The following LAMB4 variants were observed in gnomAD, a reference collection of about 807,000 sequenced individuals.
The protein encoded by LAMB4 is laminin subunit beta 4.
A neutral mutation model predicts 199.2 loss-of-function variants in LAMB4; 196 were observed. The observed-to-expected ratio is 0.98, with a 90% CI of 0.88 to 1.11. The LOEUF (loss-of-function observed/expected upper bound fraction) is 1.11. Among genes scored for constraint, LAMB4 ranks in the 50% least tolerant of loss-of-function variants. The probability of loss-of-function intolerance (pLI) is 0.00; values close to 1 mark genes in which losing one functional copy is unlikely to be tolerated. For missense variants in LAMB4, 2,080 were observed against 2,171.2 expected (o/e 0.96, Z 0.83); for synonymous variants, 744 against 770.6 (o/e 0.97, Z 0.57).
intron 7 of LAMB4, 140 bp from the exon 8 acceptor site, chr7:108,106,171 A>G (rs1584764151): frequency 1.4e-6 from 1 of 719,684 alleles, no homozygotes; most frequent in East Asian, 2.7e-5. Flanking sequence ...TAATCCCAGC[A>G]CTTTGGGTGG....
At chr7:108,105,721 T>C (rs2037979217) in intron 8 of LAMB4, 96 bp downstream of exon 8, 2 of 1,068,746 alleles carry the variant, frequency 1.9e-6, no homozygotes, top group Admixed American at 3.7e-5. Flanking sequence ...CACTTAGATT[T>C]GTTGATCTCC....
rs1325961383 is a variant in LAMB4 at position 108,062,849 on chromosome 7, C to A, written c.3207G>T (p.Trp1069Cys). The A allele has an allele frequency of 6.3e-7, 1 of 1,576,926 alleles. No individual in the cohort carries two copies. Among genetic ancestry groups the A allele is most frequent in the African/African-American group, 1.4e-5 (1 of 73,082 alleles). ...GACATCCTCTGCCAGGGACCAGATT[C>A]CAGTATCCATCAGCACAACGGTCAC... ...LACDRCADGYWNLVPGRGCQS... is the reference protein window; with the variant it reads ...LACDRCADGYCNLVPGRGCQS... The change falls in exon 23 of 34, where the codon TGG (tryptophan) becomes TGT (cysteine). Residue 1069 changes from tryptophan (W) to cysteine (C), a missense_variant. Trp to Cys is a radical substitution (Grantham distance 215). Coordinates refer to ENST00000388781, the MANE Select transcript of LAMB4 (RefSeq NM_007356.3).
intron 30 of LAMB4, among the ~76,000 whole-genome samples, chr7:108,036,852 T>G (rs933020899): frequency 6.7e-6 from 1 of 149,544 alleles, no homozygotes; most frequent in African/African-American, 2.5e-5. Context: ...ATCATTATAT[T>G]GGGTTGGTGC....
the LAMB4 span, among the ~76,000 whole-genome samples, chr7:108,012,169 ATAT>A: frequency 6.6e-6 from 1 of 151,898 alleles, no homozygotes; most frequent in South Asian, 2.1e-4. Flanking sequence ...AAATATAAAC[ATAT>A]TTATATAAAC....
chr7:108,115,992 G>A lies in LAMB4; in HGVS notation c.192+12C>T, dbSNP rs756786869. 2.5e-6 allele frequency: 4 copies of A among 1,607,454 alleles called. No individual in the cohort carries two copies. The Admixed American group carries it at 6.7e-5, about 27-fold the overall frequency. On this transcript the variant is annotated intron_variant, in intron 3 of 33. Transcript: ENST00000388781. ...AATAATGTCCCAGCAAATAAACAAAGAGCCAACCCACCTCCAGGTAACTGA... is the reference window on the plus strand; with the variant it reads ...AATAATGTCCCAGCAAATAAACAAAAAGCCAACCCACCTCCAGGTAACTGA...
intron 14 of LAMB4, among the ~76,000 whole-genome samples, chr7:108,084,672 C>T (rs1477323694): frequency 1.3e-5 from 2 of 151,340 alleles, no homozygotes; most frequent in Admixed American, 6.6e-5. Context: ...CTAACGTGAT[C>T]GAGTTAGCAG....
At chr7:108,016,283 T>A in the LAMB4 span, among the ~76,000 whole-genome samples, 1 of 140,220 alleles carries the variant, frequency 7.1e-6, no homozygotes, top group Non-Finnish European at 1.5e-5. Flanking sequence ...GAATTTTTTT[T>A]TTTTTTTTTT....
At chr7:108,074,301 T>C (rs1346832685) in intron 17 of LAMB4, among the ~76,000 whole-genome samples, 4 of 152,170 alleles carry the variant, frequency 2.6e-5, no homozygotes, top group Non-Finnish European at 5.9e-5. Context: ...TATTCATACT[T>C]CAGGTTTTCC....
At chr7:108,062,009 C>A (rs2036177335) in intron 23 of LAMB4, among the ~76,000 whole-genome samples, 1 of 152,118 alleles carries the variant, frequency 6.6e-6, no homozygotes, top group Non-Finnish European at 1.5e-5. Flanking sequence ...TCTAACATTT[C>A]TTGTCATTGT....
In LAMB4 at chr7:108,077,081, A is replaced by G; in HGVS notation, c.2004-17T>C. On this transcript the variant is annotated splice_polypyrimidine_tract_variant and intron_variant, in intron 16 of 33. Transcript: ENST00000388781. ...AGCATGATTCTGTATTAAGAAAGAT[A>G]AAGCAAAAATTCAGACCACAGAAAT... 1 of 1,611,092 alleles carries G rather than the reference A, an allele frequency of 6.2e-7. No individual in the cohort carries two copies. The highest frequency in any genetic ancestry group is 8.5e-7 in the Non-Finnish European group (1 of 1,178,546).
chr7:108,129,773 C>G (rs1213183622), intron 1 of LAMB4, among the ~76,000 whole-genome samples: 1 of 152,164 alleles, frequency 6.6e-6, no homozygotes. Context: ...AAGCAATTTG[C>G]CTGCCTCGGC....
chr7:108,084,784 C>CTTTTT (rs745640979), intron 14 of LAMB4, among the ~76,000 whole-genome samples: 11 of 96,548 alleles, frequency 1.1e-4, no homozygotes, highest in South Asian at 3.9e-4. Flanking sequence ...CCAAGGAATC[C>CTTTTT]TTTTTTTTTT....
At chr7:108,029,545 G>A (rs1374730007) in intron 32 of LAMB4, among the ~76,000 whole-genome samples, 3 of 152,176 alleles carry the variant, frequency 2.0e-5, no homozygotes. Flanking sequence ...CAAATCTCTG[G>A]TTCAGTTCGG....
chr7:108,094,506 T>C (rs570999670), intron 12 of LAMB4, among the ~76,000 whole-genome samples: 1 of 152,128 alleles, frequency 6.6e-6, no homozygotes, highest in Admixed American at 6.5e-5. Flanking sequence ...GGCATATGTT[T>C]CTTATTCATC....
chr7:108,053,052 C>T (rs1163919964), intron 25 of LAMB4, among the ~76,000 whole-genome samples: 2 of 152,142 alleles, frequency 1.3e-5, no homozygotes, highest in Non-Finnish European at 2.9e-5. Context: ...CCTTCAGGCT[C>T]CAATTGTCAC....
chr7:108,098,665 A>G (rs919164426), intron 10 of LAMB4, 83 bp from the exon 11 acceptor site: 2 of 1,151,186 alleles, frequency 1.7e-6, no homozygotes, highest in African/African-American at 3.1e-5. Flanking sequence ...TACTCATGCT[A>G]TAACTATCTT....
chr7:108,121,788 G>A (rs2038609694), intron 2 of LAMB4, among the ~76,000 whole-genome samples: 1 of 151,246 alleles, frequency 6.6e-6, no homozygotes, highest in South Asian at 2.1e-4. Flanking sequence ...GATAAGGTTT[G>A]CACTTTTAGT....
At chr7:108,116,523 A>G (rs1048349306) in intron 2 of LAMB4, among the ~76,000 whole-genome samples, 1 of 152,208 alleles carries the variant, frequency 6.6e-6, no homozygotes, top group African/African-American at 2.4e-5. Context: ...CTTATTTGCA[A>G]TGGACACCCG....
Position 108,091,640 on chromosome 7 carries a change from C to G in LAMB4, c.1687G>C (p.Gly563Arg), listed in dbSNP as rs1192149155. The change falls in exon 14 of 34, where the codon GGA becomes CGA. Residue 563 changes from glycine to arginine, a missense_variant. Gly to Arg is a moderately radical substitution (Grantham distance 125). Transcript: ENST00000388781. ...YEAEEATTLQ[G>R]LAPLGSETFG... Reference sequence around the variant, plus strand: ...GAAATACGAACCAAAGGCGCCAGTCCTTGGAGTGTTGTGGCTTCCTCTGCC... The same window carrying G: ...GAAATACGAACCAAAGGCGCCAGTCGTTGGAGTGTTGTGGCTTCCTCTGCC... 6.2e-7 allele frequency: 1 copy of G among 1,613,776 alleles called. No homozygotes were observed. The highest frequency in any genetic ancestry group is 8.5e-7 in the Non-Finnish European group (1 of 1,179,888).
Sources: gnomAD v4.1 joint callset for allele counts (sites outside exome capture counted in the v4.1 genomes callset) on GRCh38, gnomAD v4.1.1 for gene constraint, MANE v1.5 for transcripts, NCBI Gene and HGNC (gene_info 2026-07-23, HGNC 2026-07-21) for gene names.